DNAH11: variants seen among roughly 807,000 people sequenced by gnomAD.
DNAH11 encodes the protein axonemal beta dynein heavy chain 11.
DNAH11 carries 442 observed loss-of-function variants against 526.0 expected under a neutral mutation model. The observed-to-expected ratio is 0.84, with a 90% CI of 0.78 to 0.91. DNAH11 has a LOEUF of 0.91. DNAH11 is among the 40% of genes least tolerant of loss of function. The pLI is 0.00. For synonymous variants in DNAH11, 2,461 were observed against 1,935.9 expected (o/e 1.27, Z -7.12); for missense variants, 6,989 against 5,448.7 (o/e 1.28, Z -8.90).
chr7:21,642,100 A>G (rs1179563941), intron 28 of DNAH11, among the ~76,000 whole-genome samples: 1 of 152,216 alleles, frequency 6.6e-6, no homozygotes, highest in Non-Finnish European at 1.5e-5. Context: ...TGAAGTGGTT[A>G]CATATATTTT....
At chr7:21,757,697 C>A (rs1292020956) in intron 54 of DNAH11, among the ~76,000 whole-genome samples, 1 of 152,168 alleles carries the variant, frequency 6.6e-6, no homozygotes, top group Non-Finnish European at 1.5e-5. Context: ...TGGCGACAGA[C>A]AAGGTGGGTG....
intron 25 of DNAH11, among the ~76,000 whole-genome samples, chr7:21,620,721 C>T (rs1254770339): frequency 1.7e-5 from 2 of 114,776 alleles, no homozygotes; most frequent in African/African-American, 3.3e-5. Context: ...CCCCTCCCCC[C>T]ACCCCACAAC....
At chr7:21,822,675 G>T (rs1426014727) in intron 65 of DNAH11, among the ~76,000 whole-genome samples, 1 of 152,200 alleles carries the variant, frequency 6.6e-6, no homozygotes, top group Non-Finnish European at 1.5e-5. Flanking sequence ...CATGTGGCAT[G>T]ACCATGAGGA....
intron 2 of DNAH11, among the ~76,000 whole-genome samples, chr7:21,550,570 A>G (rs920181156): frequency 7.1e-6 from 1 of 141,054 alleles, no homozygotes; most frequent in Non-Finnish European, 1.6e-5. Flanking sequence ...CATTTTAAAG[A>G]TTAGTTTGGT....
intron 28 of DNAH11, among the ~76,000 whole-genome samples, chr7:21,652,903 T>A (rs1781847459): frequency 6.6e-6 from 1 of 151,974 alleles, no homozygotes; most frequent in Non-Finnish European, 1.5e-5. Context: ...TGAGATGGAG[T>A]TTTGCTGTTG....
intron 62 of DNAH11, among the ~76,000 whole-genome samples, chr7:21,804,479 A>C (rs894111659): frequency 2.6e-5 from 4 of 152,124 alleles, no homozygotes; most frequent in African/African-American, 9.7e-5. Context: ...TAAATACACT[A>C]TCTCTCTGAA....
chr7:21,787,912 A>G (rs534192801), intron 60 of DNAH11, among the ~76,000 whole-genome samples: 4 of 152,342 alleles, frequency 2.6e-5, no homozygotes, highest in Non-Finnish European at 5.9e-5. Context: ...GCAAATCTGA[A>G]TTCACATCAA....
intron 1 of DNAH11, 146 bp downstream of exon 1, chr7:21,543,742 G>A (rs112463868): frequency 1.2e-6 from 1 of 802,372 alleles, no homozygotes; most frequent in Non-Finnish European, 1.9e-6. Flanking sequence ...GAGGCCCGCA[G>A]GACTCCTCCC....
chr7:21,588,680 C>CA, intron 11 of DNAH11, 44 bp downstream of exon 11: 4 of 1,594,918 alleles, frequency 2.5e-6, no homozygotes, highest in Non-Finnish European at 3.4e-6. Context: ...TCTAATGGTA[C>CA]GGGTGACATT....
At chr7:21,689,981 C>G (rs1284027695) in intron 34 of DNAH11, among the ~76,000 whole-genome samples, 1 of 152,222 alleles carries the variant, frequency 6.6e-6, no homozygotes, top group African/African-American at 2.4e-5. Context: ...GAAAATCTTT[C>G]ACTATTTCTC....
intron 28 of DNAH11, among the ~76,000 whole-genome samples, chr7:21,647,432 T>C (rs904792604): frequency 8.2e-5 from 12 of 146,864 alleles, no homozygotes; most frequent in African/African-American, 1.7e-4. Context: ...TCTTTCTTTT[T>C]TTTTTTTTTT....
intron 47 of DNAH11, 61 bp from the exon 48 acceptor site, chr7:21,739,510 A>G (rs750237518): frequency 3.1e-6 from 4 of 1,276,226 alleles, no homozygotes; most frequent in Non-Finnish European, 4.5e-6. Flanking sequence ...ATGAACTGTT[A>G]GATTTTGCTC....
chr7:21,726,829 C>G (rs1785129820), intron 45 of DNAH11, among the ~76,000 whole-genome samples: 1 of 99,490 alleles, frequency 1.0e-5, no homozygotes, highest in African/African-American at 4.3e-5. Flanking sequence ...CCACTGCACT[C>G]CAGCCTGGGC....
chr7:21,583,092 A>G (rs1784370977), intron 9 of DNAH11, among the ~76,000 whole-genome samples: 1 of 152,188 alleles, frequency 6.6e-6, no homozygotes, highest in Admixed American at 6.5e-5. Context: ...ACTACTTTAA[A>G]TTTCATATGG....
intron 30 of DNAH11, among the ~76,000 whole-genome samples, chr7:21,675,388 C>G (rs1048007524): frequency 6.6e-6 from 1 of 152,164 alleles, no homozygotes; most frequent in Non-Finnish European, 1.5e-5. Flanking sequence ...CTGGCCAACC[C>G]CTAAATTCTT....
At chr7:21,820,573 A>C (rs987546878) in intron 65 of DNAH11, among the ~76,000 whole-genome samples, 1 of 152,136 alleles carries the variant, frequency 6.6e-6, no homozygotes, top group South Asian at 2.1e-4. Context: ...ATAGAATCCA[A>C]ATGGGTGGAG....
At chr7:21,843,340 G>A (rs998881622) in intron 66 of DNAH11, among the ~76,000 whole-genome samples, 1 of 152,094 alleles carries the variant, frequency 6.6e-6, no homozygotes, top group Non-Finnish European at 1.5e-5. Context: ...TTGGCAAGAA[G>A]GGGTGAGGAA....
chr7:21,722,145 A>G (rs558194792), intron 44 of DNAH11, among the ~76,000 whole-genome samples: 30 of 152,326 alleles, frequency 2.0e-4, no homozygotes, highest in African/African-American at 7.2e-4. Flanking sequence ...CTCTATGTGT[A>G]ATTTTTCTCA....
intron 68 of DNAH11, among the ~76,000 whole-genome samples, chr7:21,856,216 C>A (rs760767077): frequency 3.3e-5 from 5 of 152,156 alleles, no homozygotes; most frequent in Admixed American, 3.3e-4. Context: ...AACAAGAAGC[C>A]ATTGGAAGAT....
Sources: gnomAD v4.1 joint callset for allele counts (sites outside exome capture counted in the v4.1 genomes callset) on GRCh38, gnomAD v4.1.1 for gene constraint, MANE v1.5 for transcripts, NCBI Gene and HGNC (gene_info 2026-07-23, HGNC 2026-07-21) for gene names.